The following DHX29 variants were observed in gnomAD, a reference collection of about 807,000 sequenced individuals.
The protein encoded by DHX29 is ATP-dependent RNA helicase DHX29.
Under a neutral mutation model 167.9 loss-of-function variants are expected in DHX29, and 79 were observed. The observed-to-expected ratio is 0.47, with a 90% CI of 0.39 to 0.57. The LOEUF (loss-of-function observed/expected upper bound fraction) is 0.57, where lower values mean the gene tolerates loss of function less well. DHX29 is among the 20% of genes least tolerant of loss of function. The probability of loss-of-function intolerance (pLI) is 0.00; values close to 1 mark genes in which losing one functional copy is unlikely to be tolerated. For synonymous variants in DHX29, 530 were observed against 546.0 expected, an observed-to-expected ratio of 0.97 and a Z score of 0.41; for missense variants, 1,347 against 1,593.4, an observed-to-expected ratio of 0.85 and a Z score of 2.63.
rs1462629856 is a variant in DHX29, at chr5:55,290,310, A to T, written c.815T>A (p.Leu272Gln). The T allele has an allele frequency of 3.1e-6, 5 of 1,611,300 alleles. No individual in the cohort carries two copies. Among genetic ancestry groups the T allele is most frequent in the Non-Finnish European group, 4.2e-6 (5 of 1,179,518 alleles). ...ERYLHLAAKL[L>Q]DAKEQAATFK... is the part of the protein sequence containing the mutation. ...GGTAGCTGCTTGTTCTTTTGCATCC[A>T]GCAGTTTTGCTGCAAGATGTAAGTA... The change falls in exon 7 of 27, where the codon CTG (leucine) becomes CAG (glutamine). Residue 272 changes from leucine (L) to glutamine (Q), a missense_variant. Leu to Gln is a moderately radical substitution (Grantham distance 113, BLOSUM62 -2). Transcript: ENST00000251636.
In DHX29 at chr5:55,267,778, T is replaced by TGTGGTAAAAG. The variant is rs753129986; in HGVS notation, c.3329_3338dup (p.Pro1114PhefsTer10). On this transcript the variant is annotated frameshift_variant, in exon 22 of 27. Coordinates refer to ENST00000251636, the MANE Select transcript of DHX29 (RefSeq NM_019030.4). LOFTEE classifies it high-confidence loss of function. ...CTGCTTCATCTTTTCGACCAATTGGTGTGGTAAAAGGAGACTTCTCTGTCA... is the reference window on the plus strand; with the variant it reads ...CTGCTTCATCTTTTCGACCAATTGGTGTGGTAAAAGGTGGTAAAAGGAGACTTCTCTGTCA... 3.7e-6 allele frequency: 6 copies of TGTGGTAAAAG among 1,609,040 alleles called. No homozygotes were observed. Among genetic ancestry groups the TGTGGTAAAAG allele is most frequent in the Non-Finnish European group, 4.2e-6 (5 of 1,177,258 alleles).
intron 23 of DHX29, among the ~76,000 whole-genome samples, chr5:55,266,774 C>A (rs1746599003): frequency 6.6e-6 from 1 of 151,872 alleles, no homozygotes; most frequent in Admixed American, 6.6e-5. Flanking sequence ...TGCTACCATG[C>A]CCATTTAATT....
At chr5:55,272,216 C>A in intron 17 of DHX29, 41 bp from the exon 18 acceptor site, 1 of 1,166,498 alleles carries the variant, frequency 8.6e-7, no homozygotes, top group East Asian at 2.5e-5. Flanking sequence ...AGACTACTTT[C>A]ATGAATGTAT....
chr5:55,267,300 C>T (rs1746628283), intron 22 of DHX29, 69 bp from the exon 23 acceptor site: 2 of 1,156,276 alleles, frequency 1.7e-6, no homozygotes, highest in Non-Finnish European at 2.5e-6. Flanking sequence ...TTTTTCAGAG[C>T]TAGTAACCAA....
At chr5:55,298,885 C>T (rs1369773371) in intron 1 of DHX29, among the ~76,000 whole-genome samples, 1 of 150,846 alleles carries the variant, frequency 6.6e-6, no homozygotes, top group Non-Finnish European at 1.5e-5. Flanking sequence ...AAAAAATTAG[C>T]CGGGCGCGGT....
intron 24 of DHX29, among the ~76,000 whole-genome samples, chr5:55,261,925 G>C (rs1366345816): frequency 6.6e-6 from 1 of 152,164 alleles, no homozygotes; most frequent in African/African-American, 2.4e-5. Flanking sequence ...ATTCAAGCCA[G>C]TGCTTGAAAT....
At chr5:55,294,439 C>G (rs1383976890) in intron 5 of DHX29, among the ~76,000 whole-genome samples, 1 of 152,200 alleles carries the variant, frequency 6.6e-6, no homozygotes, top group Non-Finnish European at 1.5e-5. Context: ...CTTCGGGAGG[C>G]CAAAGCGGGC....
At position 55,264,607 on chromosome 5, in the gene DHX29, C is replaced by G. The variant is rs564036043; in HGVS notation, c.3526-1675G>C. ...GATTGCTAAGATTATATGAAAAGGA[C>G]TCAGCAGCCAACCCAAAGGGGCTCT... On this transcript the variant is annotated intron_variant, in intron 23 of 26. Transcript: ENST00000251636. Among the ~76,000 whole-genome samples, 3 of 152,270 alleles carry G rather than the reference C, an allele frequency of 2.0e-5. No homozygotes were observed. In the South Asian group the frequency reaches 6.2e-4, roughly 32 times the overall value.
At chr5:55,293,649 T>A (rs530292637) in intron 6 of DHX29, among the ~76,000 whole-genome samples, 14 of 152,320 alleles carry the variant, frequency 9.2e-5, no homozygotes, top group Middle Eastern at 3.4e-3. Flanking sequence ...TGACTTAGTA[T>A]ATTTTCTGCC....
At chr5:55,274,375 C>A (rs1412453238) in intron 16 of DHX29, among the ~76,000 whole-genome samples, 1 of 151,882 alleles carries the variant, frequency 6.6e-6, no homozygotes. Context: ...TCCTGGGCAA[C>A]AGAGAGAGAA....
chr5:55,283,849 A>AT (rs1747576368), intron 10 of DHX29, 38 bp from the exon 11 acceptor site: 1 of 1,506,994 alleles, frequency 6.6e-7, no homozygotes, highest in Non-Finnish European at 8.9e-7. Flanking sequence ...TTCACTAACT[A>AT]TTCAATATGG....
intron 7 of DHX29, 30 bp from the exon 8 acceptor site, chr5:55,289,458 T>C: frequency 6.8e-7 from 1 of 1,471,864 alleles, no homozygotes; most frequent in Non-Finnish European, 9.0e-7. Context: ...ATGTTTAGTT[T>C]CATGGTTTTA....
intron 26 of DHX29, among the ~76,000 whole-genome samples, chr5:55,258,843 A>G (rs1439177274): frequency 1.3e-5 from 2 of 152,130 alleles, no homozygotes; most frequent in Non-Finnish European, 2.9e-5. Flanking sequence ...AGGTGTCACC[A>G]TGCCCGGCTC....
At chr5:55,300,366 C>T (rs1331059596) in intron 1 of DHX29, among the ~76,000 whole-genome samples, 1 of 150,092 alleles carries the variant, frequency 6.7e-6, no homozygotes, top group Non-Finnish European at 1.5e-5. Context: ...CAGAGTGAGA[C>T]CCTGTCTCTA....
At chr5:55,292,475 C>T (rs774099507) in intron 6 of DHX29, among the ~76,000 whole-genome samples, 7 of 152,124 alleles carry the variant, frequency 4.6e-5, no homozygotes, top group Non-Finnish European at 1.0e-4. Flanking sequence ...AATGGCCTCC[C>T]TACCCTTTCC....
At chr5:55,285,072 C>A (rs1747645979) in intron 10 of DHX29, among the ~76,000 whole-genome samples, 3 of 152,160 alleles carry the variant, frequency 2.0e-5, no homozygotes, top group Admixed American at 2.0e-4. Flanking sequence ...TTTAGCATAG[C>A]TAAATTAGCA....
chr5:55,287,311 TGCACCTG>T (rs1469040897), intron 8 of DHX29, among the ~76,000 whole-genome samples: 1 of 151,882 alleles, frequency 6.6e-6, no homozygotes, highest in Non-Finnish European at 1.5e-5. Context: ...CATGCAGGCA[TGCACCTG>T]TAATCCCGGC....
In DHX29 at chr5:55,297,376, T is replaced by C. The variant is rs763829839; in HGVS notation, c.284A>G (p.Glu95Gly). Residue 95 changes from glutamate (E) to glycine (G), a missense_variant, in exon 3 of 27, where the codon GAG becomes GGG. Glu to Gly is a moderately conservative substitution (Grantham distance 98). This residue lies in a region of DHX29 where 405 missense variants were observed against 416.8 expected (regional missense o/e 0.97). Transcript: ENST00000251636. ...ILKVVINNKLEQRIIGVINEH... is the reference protein window; with the variant it reads ...ILKVVINNKLGQRIIGVINEH... ...ATTGATCACTCCAATAATTCTTTGCTCTAGTTTGTTATTAATTACCACCTG... is the reference window on the plus strand; with the variant it reads ...ATTGATCACTCCAATAATTCTTTGCCCTAGTTTGTTATTAATTACCACCTG... The C allele has an allele frequency of 6.4e-5, 98 of 1,527,838 alleles. No homozygotes were observed. Among genetic ancestry groups the C allele is most frequent in the Non-Finnish European group, 8.7e-5 (96 of 1,104,822 alleles). 94.6% of individuals were successfully genotyped at this position (1,527,838 alleles called of 1,614,324 possible).
rs952685551 is a variant in DHX29 at position 55,256,602 on chromosome 5, T to G, written c.4058-62A>C. The G allele has an allele frequency of 2.7e-6, 4 of 1,505,072 alleles. No individual in the cohort carries two copies. The Admixed American group carries it at 8.7e-5, about 33-fold the overall frequency. 93.2% of individuals were successfully genotyped at this position (1,505,072 alleles called of 1,614,324 possible). ...CAACATTGTCTAATTTTCCAAGGTA[T>G]GCACATGTAAATAAGAGGTATATGT... On this transcript the variant is annotated intron_variant, in intron 26 of 26. Transcript: ENST00000251636.
Sources: allele counts gnomAD v4.1 joint callset (sites outside exome capture counted in the v4.1 genomes callset), GRCh38; gene constraint gnomAD v4.1.1; regional missense constraint gnomAD v4.1.1; transcripts MANE v1.5; gene names NCBI Gene and HGNC (gene_info 2026-07-23, HGNC 2026-07-21).